Variants in ERG observed in about 807,000 individuals in gnomAD.
ERG encodes transcriptional regulator ERG.
Under a neutral mutation model 55.3 loss-of-function variants are expected in ERG, and 9 were observed. That is an observed-to-expected ratio of 0.16 (90% CI 0.10 to 0.28). The LOEUF (loss-of-function observed/expected upper bound fraction) is 0.28, where lower values mean the gene tolerates loss of function less well. ERG is among the 10% of genes least tolerant of loss of function. The probability of loss-of-function intolerance (pLI) is 1.00; values close to 1 mark genes in which losing one functional copy is unlikely to be tolerated. For synonymous variants in ERG, 223 were observed against 237.3 expected (o/e 0.94, Z 0.55); for missense variants, 434 against 631.6 (o/e 0.69, Z 3.35).
chr21:38,490,689 AC>A (rs2146674825), intron 1 of ERG, among the ~76,000 whole-genome samples: 1 of 152,306 alleles, frequency 6.6e-6, no homozygotes, highest in Non-Finnish European at 1.5e-5. Context: ...GGCGGAGCTG[AC>A]CACCTCCATT....
intron 1 of ERG, among the ~76,000 whole-genome samples, chr21:38,583,850 T>C (rs1202039111): frequency 1.3e-5 from 2 of 152,200 alleles, no homozygotes; most frequent in East Asian, 1.9e-4. Flanking sequence ...AGGGAACCAC[T>C]TGGGCTGACA....
At position 38,535,275 on chromosome 21, in the gene ERG, A is replaced by G. The variant is rs149804793; in HGVS notation, c.-41+40387T>C. Among the ~76,000 whole-genome samples the G allele has an allele frequency of 2.5e-3, 382 of 152,302 alleles. 5 individuals are homozygous for G. Among genetic ancestry groups the G allele is most frequent in the African/African-American group, 8.6e-3 (357 of 41,578 alleles). ...ATAATGGTTGCCAAAAGGTGGGAGC[A>G]TGCAGAACACGGGGAGTGTTGATTG... On this transcript the variant is annotated intron_variant, in intron 2 of 8. Transcript: ENST00000398897.
intron 1 of ERG, among the ~76,000 whole-genome samples, chr21:38,635,274 T>G (rs569052328): frequency 6.6e-6 from 1 of 152,230 alleles, no homozygotes; most frequent in South Asian, 2.1e-4. Flanking sequence ...GAGCCTACTA[T>G]AATAGTATAG....
intron 1 of ERG, among the ~76,000 whole-genome samples, chr21:38,631,533 G>A (rs537696839): frequency 1.3e-5 from 2 of 152,238 alleles, no homozygotes; most frequent in African/African-American, 4.8e-5. Context: ...GATTTTTATA[G>A]CCTTCCCGTC....
chr21:38,444,291 A>T (rs1285510867), intron 2 of ERG, among the ~76,000 whole-genome samples: 1 of 152,142 alleles, frequency 6.6e-6, no homozygotes, highest in Non-Finnish European at 1.5e-5. Context: ...TTAAGTGGTG[A>T]TTTGGGGTCA....
upstream of ERG, among the ~76,000 whole-genome samples, chr21:38,501,518 C>T (rs1392775727): frequency 6.6e-6 from 1 of 152,282 alleles, no homozygotes; most frequent in South Asian, 2.1e-4. Flanking sequence ...CCCTACACCA[C>T]CCAGCAGCCT....
At chr21:38,422,129 T>C (rs1989572216) in intron 3 of ERG, among the ~76,000 whole-genome samples, 1 of 152,200 alleles carries the variant, frequency 6.6e-6, no homozygotes, top group South Asian at 2.1e-4. Context: ...ACGAGAGCAA[T>C]TCCAGACGGA....
At chr21:38,591,310 C>A (rs925348828) in intron 1 of ERG, among the ~76,000 whole-genome samples, 4 of 152,182 alleles carry the variant, frequency 2.6e-5, no homozygotes, top group African/African-American at 9.7e-5. Flanking sequence ...AGCCTGACAG[C>A]ATTAAGCCAA....
At chr21:38,641,480 C>T (rs188024098) in intron 1 of ERG, among the ~76,000 whole-genome samples, 2 of 152,328 alleles carry the variant, frequency 1.3e-5, no homozygotes, top group East Asian at 1.9e-4. Context: ...AACCAAGACA[C>T]TCATCATCAG....
chr21:38,409,124 C>A (rs1192318975), intron 3 of ERG, among the ~76,000 whole-genome samples: 3 of 152,008 alleles, frequency 2.0e-5, no homozygotes, highest in Non-Finnish European at 2.9e-5. Flanking sequence ...TGTCCAAGAC[C>A]AAGAGAAACA....
chr21:38,421,714 G>A (rs1989549982), intron 3 of ERG, among the ~76,000 whole-genome samples: 1 of 152,142 alleles, frequency 6.6e-6, no homozygotes, highest in African/African-American at 2.4e-5. Flanking sequence ...TGAGGTGTCC[G>A]TTCATCCATT....
chr21:38,432,126 G>T, intron 2 of ERG, among the ~76,000 whole-genome samples: 1 of 152,182 alleles, frequency 6.6e-6, no homozygotes, highest in East Asian at 1.9e-4. Context: ...ACAGGGTCTT[G>T]CTCTGTCACC....
chr21:38,469,817 T>A (rs765424834), intron 1 of ERG, among the ~76,000 whole-genome samples: 10 of 152,232 alleles, frequency 6.6e-5, no homozygotes, highest in Non-Finnish European at 1.5e-5. Context: ...TGTTTACAGC[T>A]CACAGAATAT....
Position 38,380,850 on chromosome 21 carries a change from G to T in ERG, c.*2553C>A. 1 of 1,065,118 alleles carries T rather than the reference G, an allele frequency of 9.4e-7. No individual in the cohort carries two copies. Among genetic ancestry groups the T allele is most frequent in the Middle Eastern group, 4.2e-4 (1 of 2,402 alleles). The allele number at this position is 1,065,118 out of a possible 1,614,324, so 66.0% of individuals were successfully genotyped here. ...ATGATCTTGCTCATGAGACAGTCTT[G>T]AAGAGAGAACTGAGTGATTATCCAA... On this transcript the variant is annotated 3_prime_UTR_variant, in exon 10 of 10. Coordinates refer to ENST00000288319, the MANE Select transcript of ERG (RefSeq NM_182918.4).
chr21:38,367,632 A>C, the ERG span: 2 of 520,938 alleles, frequency 3.8e-6, no homozygotes, highest in Non-Finnish European at 7.5e-6. Context: ...CATTAAAAGC[A>C]GATCATTGGG....
chr21:38,501,732 C>G (rs2059422966), upstream of ERG, among the ~76,000 whole-genome samples: 1 of 152,210 alleles, frequency 6.6e-6, no homozygotes, highest in African/African-American at 2.4e-5. Flanking sequence ...ACAGCCCATA[C>G]AGTAGCTGTG....
intron 1 of ERG, among the ~76,000 whole-genome samples, chr21:38,606,178 G>A (rs2060195913): frequency 6.6e-6 from 1 of 152,092 alleles, no homozygotes; most frequent in Non-Finnish European, 1.5e-5. Context: ...TAAGTAGACT[G>A]ATGACTGATA....
intron 1 of ERG, among the ~76,000 whole-genome samples, chr21:38,653,382 T>C (rs1432244106): frequency 1.3e-5 from 2 of 152,178 alleles, no homozygotes; most frequent in Non-Finnish European, 2.9e-5. Context: ...GATGGAGTCC[T>C]GTATCTTCTC....
At chr21:38,502,338 G>A (rs2059427108), upstream of ERG, 1 of 152,234 alleles carries the variant, frequency 6.6e-6, no homozygotes, top group South Asian at 2.1e-4. Context: ...GACTCATTTT[G>A]TTAAAAATAA....
Sources: allele counts gnomAD v4.1 joint callset (sites outside exome capture counted in the v4.1 genomes callset), GRCh38; gene constraint gnomAD v4.1.1; transcripts MANE v1.5; gene names NCBI Gene and HGNC (gene_info 2026-07-23, HGNC 2026-07-21).